The following CEMIP variants were observed in gnomAD, a reference collection of about 807,000 sequenced individuals.
The protein encoded by CEMIP is cell migration inducing hyaluronidase 1.
In CEMIP, 105 loss-of-function variants were observed where a neutral mutation model predicts 156.9. The observed-to-expected ratio is 0.67, with a 90% CI of 0.57 to 0.79. The LOEUF (loss-of-function observed/expected upper bound fraction) is 0.79, where lower values mean the gene tolerates loss of function less well. Among genes scored for constraint, CEMIP ranks in the 30% least tolerant of loss-of-function variants. The pLI is 0.00. For synonymous variants in CEMIP, 676 were observed against 668.4 expected (o/e 1.01, Z -0.17); for missense variants, 1,457 against 1,769.4 (o/e 0.82, Z 3.17).
In CEMIP at chr15:80,916,821, C is replaced by T. The variant is rs141601745; in HGVS notation, c.1798-3273C>T. Among the ~76,000 whole-genome samples the T allele has an allele frequency of 1.6e-3, 249 of 152,256 alleles. 1 individual carries two copies. The highest frequency in any genetic ancestry group is 5.6e-3 in the African/African-American group (232 of 41,548). The stretch of plus-strand genomic sequence containing the variant: ...TCTACCCCCACCCGAGGGCTGTCCT[C>T]GGCCTTATCATGCTTCCCTCTTGAT... On this transcript the variant is annotated intron_variant, in intron 14 of 29. Transcript: ENST00000394685.
rs368282778 is a variant in CEMIP at position 80,879,739 on chromosome 15, G to A, written c.265G>A (p.Asp89Asn). Residue 89 changes from aspartate to asparagine, a missense_variant, in exon 5 of 30, where the codon GAC becomes AAC. Physicochemically the swap from Asp to Asn is conservative, Grantham distance 23. Around this residue, in one of 5 missense-constraint regions of CEMIP, gnomAD observed 309 missense variants for 340.8 expected, o/e 0.91. Coordinates refer to ENST00000394685, the MANE Select transcript of CEMIP (RefSeq NM_001293298.2). ...EGGKLVIKDH[D>N]EPIVLRTRHI... is the part of the protein sequence containing the mutation. ...AGGCAAGCTGGTCATTAAAGACCAC[G>A]ACGAGCCGATTGTTTTGCGAACCCG... 20 of 1,614,024 alleles carry A rather than the reference G, an allele frequency of 1.2e-5. No homozygotes were observed. The highest frequency in any genetic ancestry group is 3.3e-5 in the South Asian group (3 of 91,080).
intron 1 of CEMIP, among the ~76,000 whole-genome samples, chr15:80,820,559 G>A (rs1007746582): frequency 6.6e-6 from 1 of 152,188 alleles, no homozygotes; most frequent in Non-Finnish European, 1.5e-5. Flanking sequence ...AGGAGGGCTG[G>A]CTTGGCTGCT....
chr15:80,909,354 G>C, intron 14 of CEMIP, 48 bp downstream of exon 14: 1 of 1,578,870 alleles, frequency 6.3e-7, no homozygotes, highest in Non-Finnish European at 8.7e-7. Flanking sequence ...GCCATGGATG[G>C]TTAGCACTGG....
chr15:80,858,966 G>T (rs1419579338), intron 1 of CEMIP, among the ~76,000 whole-genome samples: 2 of 152,212 alleles, frequency 1.3e-5, no homozygotes, highest in Non-Finnish European at 2.9e-5. Flanking sequence ...CCCTGTGCAA[G>T]CTTCACTCTT....
intron 1 of CEMIP, among the ~76,000 whole-genome samples, chr15:80,806,156 C>A (rs1346057683): frequency 6.6e-6 from 1 of 152,214 alleles, no homozygotes; most frequent in Non-Finnish European, 1.5e-5. Context: ...GGCTGGCATG[C>A]CCATACCAAC....
intron 1 of CEMIP, among the ~76,000 whole-genome samples, chr15:80,868,740 G>A (rs748110971): frequency 1.3e-5 from 2 of 152,198 alleles, no homozygotes. Context: ...CCATAAACTA[G>A]AGATAATAAT....
chr15:80,845,514 A>G (rs1254674247), intron 1 of CEMIP, among the ~76,000 whole-genome samples: 2 of 152,222 alleles, frequency 1.3e-5, no homozygotes, highest in Admixed American at 6.5e-5. Flanking sequence ...ACATGGCACT[A>G]AAAAACCTGT....
intron 1 of CEMIP, among the ~76,000 whole-genome samples, chr15:80,784,874 T>C (rs1418273308): frequency 2.6e-5 from 4 of 152,170 alleles, no homozygotes; most frequent in African/African-American, 9.6e-5. Flanking sequence ...TTGATGACTT[T>C]CTGTGATTCT....
intron 2 of CEMIP, 53 bp from the exon 3 acceptor site, chr15:80,873,811 C>CTGAT: frequency 7.5e-7 from 1 of 1,341,200 alleles, no homozygotes; most frequent in Non-Finnish European, 1.0e-6. Flanking sequence ...GCCCTGTATA[C>CTGAT]TGATTCCAGC....
At chr15:80,890,168 C>T (rs1348706570) in intron 10 of CEMIP, among the ~76,000 whole-genome samples, 3 of 152,180 alleles carry the variant, frequency 2.0e-5, no homozygotes, top group Admixed American at 2.0e-4. Context: ...GGATACTAGG[C>T]TTTGGGAACA....
chr15:80,941,925 A>C lies in CEMIP; in HGVS notation c.3484A>C (p.Ile1162Leu). Reference sequence around the variant, plus strand: ...CTGCTCCATGAAAGGCTGTGAGAGGATAAAGATTAAAGCTCTGATTCCAAA... The same window carrying C: ...CTGCTCCATGAAAGGCTGTGAGAGGCTAAAGATTAAAGCTCTGATTCCAAA... ...AFCSMKGCER[I>L]KIKALIPKNA... is the part of the protein sequence containing the mutation. Residue 1162 changes from isoleucine to leucine, a missense_variant, in exon 26 of 30, where the codon ATA becomes CTA. Around this residue, in one of 5 missense-constraint regions of CEMIP, gnomAD observed 798 missense variants for 980.1 expected, o/e 0.81. Transcript: ENST00000394685. 1 of 1,613,986 alleles carries C rather than the reference A, an allele frequency of 6.2e-7. No individual in the cohort carries two copies. The highest frequency in any genetic ancestry group is 8.5e-7 in the Non-Finnish European group (1 of 1,179,974).
Position 80,905,903 on chromosome 15 carries a change from G to A in CEMIP, c.1412-760G>A, listed in dbSNP as rs142574676. 4.9e-4 allele frequency among the ~76,000 whole-genome samples: 75 copies of A among 152,168 alleles called. No homozygotes were observed. The East Asian group carries it at 0.01, about 21-fold the overall frequency. On this transcript the variant is annotated intron_variant, in intron 12 of 29. Transcript: ENST00000394685. ...TGGTGAGGAGCTCAGTACAGAGTTG[G>A]GTGGAGGCCGTTCTTCACTGCTCCA... is the stretch of plus-strand genomic sequence containing the variant.
chr15:80,791,990 G>A (rs751676798), intron 1 of CEMIP, among the ~76,000 whole-genome samples: 4 of 152,186 alleles, frequency 2.6e-5, no homozygotes, highest in East Asian at 1.9e-4. Context: ...GTGACCTTCC[G>A]TAGTCCTCAT....
rs1055297714 is a variant in CEMIP, at chr15:80,926,823, G to A, written c.2420+1068G>A. On this transcript the variant is annotated intron_variant, in intron 19 of 29. Transcript: ENST00000394685. ...GAGGCAGAGAGACTGAGCGGGTGGG[G>A]GGGGGGGGTCTTCTTTTTTTTTTTT... is the stretch of plus-strand genomic sequence containing the variant. Among the ~76,000 whole-genome samples, 48 of 129,634 alleles carry A rather than the reference G, an allele frequency of 3.7e-4. 2 individuals are homozygous for A. The highest frequency in any genetic ancestry group is 1.4e-3 in the African/African-American group (43 of 30,712). 85.0% of individuals were successfully genotyped at this position (129,634 alleles called of 152,430 possible). A position where few individuals can be genotyped will look rare whatever the true frequency, so the allele number is the denominator to read the frequency against.
intron 19 of CEMIP, 108 bp from the exon 20 acceptor site, chr15:80,928,794 C>A: frequency 2.2e-6 from 3 of 1,362,594 alleles, no homozygotes; most frequent in Non-Finnish European, 3.1e-6. Flanking sequence ...CCTTCCTCTG[C>A]ACGGTATTCA....
chr15:80,885,941 T>C (rs187540905), intron 7 of CEMIP, among the ~76,000 whole-genome samples: 47 of 152,342 alleles, frequency 3.1e-4, no homozygotes, highest in Admixed American at 3.9e-4. Flanking sequence ...CTCATTTGTA[T>C]AGAGACATTC....
chr15:80,919,077 C>A (rs868837507), intron 14 of CEMIP, among the ~76,000 whole-genome samples: 1 of 152,162 alleles, frequency 6.6e-6, no homozygotes, highest in South Asian at 2.1e-4. Flanking sequence ...GTTCTTTCTG[C>A]TTTCCCCACT....
rs1899200860 is a variant in CEMIP, at chr15:80,895,861, G to A, written c.1220-8G>A. The A allele has an allele frequency of 1.2e-6, 2 of 1,613,894 alleles. No individual in the cohort carries two copies. Among genetic ancestry groups the A allele is most frequent in the Non-Finnish European group, 1.7e-6 (2 of 1,179,958 alleles). Reference sequence around the variant, plus strand: ...CTCTATCTCAGTCTTTCCTGTTTTGGGTTACAGTGAGGCCCAAACTCACAG... The same window carrying A: ...CTCTATCTCAGTCTTTCCTGTTTTGAGTTACAGTGAGGCCCAAACTCACAG... On this transcript the variant is annotated splice_polypyrimidine_tract_variant and splice_region_variant and intron_variant, in intron 11 of 29. Transcript: ENST00000394685.
intron 12 of CEMIP, 143 bp downstream of exon 12, chr15:80,896,203 G>A (rs1285775258): frequency 3.0e-5 from 25 of 846,350 alleles, no homozygotes; most frequent in Middle Eastern, 2.2e-4. Flanking sequence ...AAAACTTCAT[G>A]ACAGGTCTTT....
Sources: gnomAD v4.1 joint callset for allele counts (sites outside exome capture counted in the v4.1 genomes callset) on GRCh38, gnomAD v4.1.1 for gene constraint, gnomAD v4.1.1 regional missense constraint, MANE v1.5 for transcripts, NCBI Gene and HGNC (gene_info 2026-07-23, HGNC 2026-07-21) for gene names.